TSEN2: variants seen among roughly 807,000 people sequenced by gnomAD.
The protein encoded by TSEN2 is tRNA-splicing endonuclease subunit Sen2.
A neutral mutation model predicts 59.2 loss-of-function variants in TSEN2; 54 were observed. That is an observed-to-expected ratio of 0.91 (90% confidence interval 0.73 to 1.14). The LOEUF (loss-of-function observed/expected upper bound fraction) is 1.14. Ranked by LOEUF, TSEN2 falls within the 50% of genes most tolerant of loss-of-function variation. TSEN2 has a pLI of 0.00. For missense variants in TSEN2, 636 were observed against 576.2 expected (o/e 1.10, Z -1.06); for synonymous variants, 195 against 198.2 (o/e 0.98, Z 0.14).
chr3:12,497,134 C>T (rs1014219430), intron 4 of TSEN2, among the ~76,000 whole-genome samples: 5 of 152,312 alleles, frequency 3.3e-5, no homozygotes, highest in East Asian at 3.9e-4. Flanking sequence ...CCCTCTTCGG[C>T]GTGCAGCACT....
At chr3:12,528,449 G>C (rs970831287) in intron 8 of TSEN2, among the ~76,000 whole-genome samples, 3 of 152,204 alleles carry the variant, frequency 2.0e-5, no homozygotes, top group African/African-American at 4.8e-5. Context: ...GGCTGGGTGT[G>C]GTGGCTCACA....
At chr3:12,515,739 C>T (rs187360607) in intron 6 of TSEN2, among the ~76,000 whole-genome samples, 2 of 152,300 alleles carry the variant, frequency 1.3e-5, no homozygotes, top group East Asian at 1.9e-4. Flanking sequence ...AGCCTCCCCC[C>T]ACACAGTAAA....
chr3:12,507,277 G>A (rs189099470), intron 6 of TSEN2, among the ~76,000 whole-genome samples: 39 of 152,324 alleles, frequency 2.6e-4, no homozygotes, highest in African/African-American at 8.4e-4. Flanking sequence ...ACAGCCACGT[G>A]TGGCCACTGG....
upstream of TSEN2, among the ~76,000 whole-genome samples, chr3:12,483,497 G>A (rs1234103282): frequency 6.6e-6 from 1 of 152,244 alleles, no homozygotes; most frequent in Admixed American, 6.5e-5. Context: ...TCTCCTGGAA[G>A]AGGTGATATT....
At chr3:12,513,561 A>G (rs953567480) in intron 6 of TSEN2, among the ~76,000 whole-genome samples, 5 of 152,222 alleles carry the variant, frequency 3.3e-5, no homozygotes, top group Admixed American at 1.3e-4. Context: ...GGCATGGAGA[A>G]TTTAAGTGAT....
chr3:12,497,182 C>T (rs1004254245), intron 4 of TSEN2, among the ~76,000 whole-genome samples: 3 of 152,290 alleles, frequency 2.0e-5, no homozygotes, highest in South Asian at 4.1e-4. Context: ...ACTGTCGGTG[C>T]TTGGAGAGCA....
At chr3:12,520,342 T>C (rs879927899) in intron 8 of TSEN2, among the ~76,000 whole-genome samples, 1 of 152,166 alleles carries the variant, frequency 6.6e-6, no homozygotes, top group Non-Finnish European at 1.5e-5. Context: ...TTAGAAAAAG[T>C]AGGTCATTGC....
At chr3:12,501,694 G>A (rs907599812) in intron 4 of TSEN2, among the ~76,000 whole-genome samples, 8 of 151,886 alleles carry the variant, frequency 5.3e-5, no homozygotes, top group East Asian at 1.9e-4. Flanking sequence ...ATGTGCTGCC[G>A]CATCGAGCAC....
At chr3:12,531,343 A>G (rs1370033587) in intron 10 of TSEN2, 5 of 538,424 alleles carry the variant, frequency 9.3e-6, no homozygotes, top group South Asian at 2.2e-5. Context: ...TAATCAATGT[A>G]TCTGCTTATA....
At chr3:12,511,628 A>G (rs2055471038) in intron 6 of TSEN2, among the ~76,000 whole-genome samples, 2 of 148,908 alleles carry the variant, frequency 1.3e-5, no homozygotes, top group Non-Finnish European at 3.0e-5. Context: ...GTGCAGTGGT[A>G]CAATATTGGC....
At chr3:12,515,946 C>G (rs532987444) in intron 6 of TSEN2, among the ~76,000 whole-genome samples, 7 of 151,878 alleles carry the variant, frequency 4.6e-5, no homozygotes, top group Non-Finnish European at 1.0e-4. Flanking sequence ...CTCCAATGAG[C>G]AACAGTTTCT....
Position 12,489,920 on chromosome 3 carries a change from C to A in TSEN2, c.120C>A (p.Phe40Leu), listed in dbSNP as rs778976615. 1.2e-6 allele frequency: 2 copies of A among 1,614,032 alleles called. No individual in the cohort carries two copies. Among genetic ancestry groups the A allele is most frequent in the East Asian group, 4.5e-5 (2 of 44,896 alleles). ...DHGPLKEFKIFRAEMINNNVI... is the reference protein window; with the variant it reads ...DHGPLKEFKILRAEMINNNVI... ...GTCCTCTGAAAGAATTCAAGATATT[C>A]CGTGCTGAAATGATTAACAACAATG... The change falls in exon 2 of 12, where the codon TTC (phenylalanine) becomes TTA (leucine). Residue 40 changes from phenylalanine to leucine, a missense_variant. Physicochemically the swap from Phe to Leu is conservative, Grantham distance 22. Transcript: ENST00000284995.
chr3:12,534,186 A>C (rs901249923), downstream of TSEN2, among the ~76,000 whole-genome samples: 2 of 152,210 alleles, frequency 1.3e-5, no homozygotes, highest in African/African-American at 4.8e-5. Context: ...GCTCCCACAC[A>C]GTCCTCTACC....
At chr3:12,530,631 G>A (rs1367064992) in intron 10 of TSEN2, 3 of 985,364 alleles carry the variant, frequency 3.0e-6, no homozygotes, top group Non-Finnish European at 3.6e-6. Context: ...GGGTCTTGCA[G>A]GGCTAGAGAT....
chr3:12,506,570 T>A (rs1341085751), intron 6 of TSEN2: 3 of 437,356 alleles, frequency 6.9e-6, no homozygotes, highest in African/African-American at 6.7e-5. Context: ...ACAAGCGAGA[T>A]CCTGTTTCAA....
At chr3:12,489,417 T>C (rs954346261) in intron 1 of TSEN2, among the ~76,000 whole-genome samples, 3 of 152,142 alleles carry the variant, frequency 2.0e-5, no homozygotes, top group African/African-American at 4.8e-5. Flanking sequence ...TGGTAGTAAA[T>C]GTCTGTTGGG....
chr3:12,535,532 T>C (rs1271738988), downstream of TSEN2, among the ~76,000 whole-genome samples: 1 of 152,166 alleles, frequency 6.6e-6, no homozygotes, highest in Admixed American at 6.5e-5. Flanking sequence ...ATGTTCTTTC[T>C]AACGTTGTGT....
downstream of TSEN2, among the ~76,000 whole-genome samples, chr3:12,534,007 G>A (rs2057608909): frequency 6.6e-6 from 1 of 152,160 alleles, no homozygotes; most frequent in African/African-American, 2.4e-5. Context: ...ATGTTGGCGG[G>A]TGTGCATCAC....
intron 6 of TSEN2, among the ~76,000 whole-genome samples, chr3:12,513,752 C>T (rs1291310054): frequency 1.3e-5 from 2 of 152,178 alleles, no homozygotes; most frequent in Non-Finnish European, 2.9e-5. Context: ...GGTAGTCCAT[C>T]TGAAAAACAG....
Sources: allele counts gnomAD v4.1 joint callset (sites outside exome capture counted in the v4.1 genomes callset), GRCh38; gene constraint gnomAD v4.1.1; transcripts MANE v1.5; gene names NCBI Gene and HGNC (gene_info 2026-07-23, HGNC 2026-07-21).